Variants in DCBLD1 observed in about 807,000 individuals in gnomAD.
The protein encoded by DCBLD1 is discoidin, CUB and LCCL domain containing 1.
A neutral mutation model predicts 71.5 loss-of-function variants in DCBLD1; 57 were observed. The ratio of observed to expected loss-of-function variants is 0.80; its 90% confidence interval spans 0.64 to 0.99. DCBLD1 has a LOEUF of 0.99. Among genes scored for constraint, DCBLD1 ranks in the 50% least tolerant of loss-of-function variants. DCBLD1 has a pLI of 0.00. For synonymous variants in DCBLD1, 380 were observed against 363.8 expected, an observed-to-expected ratio of 1.04 and a Z score of -0.51; for missense variants, 891 against 923.5, an observed-to-expected ratio of 0.96 and a Z score of 0.46.
At chr6:117,552,784 A>G (rs1779448331), downstream of DCBLD1, among the ~76,000 whole-genome samples, 1 of 152,102 alleles carries the variant, frequency 6.6e-6, no homozygotes, top group African/African-American at 2.4e-5. Flanking sequence ...GAACCCCAGC[A>G]CTGTAAACCT....
intron 3 of DCBLD1, among the ~76,000 whole-genome samples, chr6:117,521,272 A>G (rs1778375460): frequency 6.6e-6 from 1 of 152,210 alleles, no homozygotes; most frequent in African/African-American, 2.4e-5. Context: ...TCTGTTAACT[A>G]CAGATTCTGC....
intron 14 of DCBLD1, among the ~76,000 whole-genome samples, chr6:117,557,634 C>T (rs895344666): frequency 2.6e-5 from 4 of 151,958 alleles, no homozygotes; most frequent in African/African-American, 7.2e-5. Flanking sequence ...CGTGGTGGCA[C>T]GCACCTGTAA....
Position 117,521,816 on chromosome 6 carries a change from A to G in DCBLD1, c.512+240A>G, listed in dbSNP as rs1340281033. On this transcript the variant is annotated intron_variant, in intron 4 of 14. Coordinates refer to ENST00000338728, the MANE Select transcript of DCBLD1 (RefSeq NM_001366458.2). ...TACAATCTCTGTTGCATTTATTCATATAATCTCTGTTGCTGTTGTAGCAAA... is the reference window on the plus strand; with the variant it reads ...TACAATCTCTGTTGCATTTATTCATGTAATCTCTGTTGCTGTTGTAGCAAA... Among the ~76,000 whole-genome samples, 6 of 152,218 alleles carry G rather than the reference A, an allele frequency of 3.9e-5. No individual in the cohort carries two copies. The South Asian group carries it at 6.2e-4, about 16-fold the overall frequency.
intron 2 of DCBLD1, among the ~76,000 whole-genome samples, chr6:117,505,027 C>G (rs569665439): frequency 6.6e-6 from 1 of 152,120 alleles, no homozygotes. Flanking sequence ...AGCCCTGAGA[C>G]GATTCAGAAA....
intron 3 of DCBLD1, 39 bp downstream of exon 3, chr6:117,519,989 C>T (rs752163621): frequency 6.2e-7 from 1 of 1,606,472 alleles, no homozygotes; most frequent in Admixed American, 1.7e-5. Context: ...TAAATGTTAT[C>T]TGTCTAAGAA....
chr6:117,497,826 T>G (rs1452635882), intron 1 of DCBLD1, among the ~76,000 whole-genome samples: 1 of 152,226 alleles, frequency 6.6e-6, no homozygotes, highest in Non-Finnish European at 1.5e-5. Context: ...GTGAATTTGG[T>G]AGTTTTAATT....
intron 6 of DCBLD1, among the ~76,000 whole-genome samples, chr6:117,536,662 G>A (rs1332029421): frequency 2.6e-5 from 4 of 152,202 alleles, no homozygotes; most frequent in African/African-American, 9.6e-5. Context: ...AGACAGGGCA[G>A]AGACTGTCCC....
intron 14 of DCBLD1, 62 bp downstream of exon 14, chr6:117,545,659 G>A: frequency 6.4e-7 from 1 of 1,560,010 alleles, no homozygotes; most frequent in East Asian, 2.3e-5. Context: ...GGGGGAGGGA[G>A]ACAGGAGAGA....
chr6:117,539,404 A>C, intron 9 of DCBLD1, 25 bp downstream of exon 9: 2 of 1,584,970 alleles, frequency 1.3e-6, no homozygotes, highest in Non-Finnish European at 1.7e-6. Flanking sequence ...TAGAGGCAAG[A>C]GAACTGAGTA....
At chr6:117,521,349 T>C (rs1321334961) in intron 3 of DCBLD1, among the ~76,000 whole-genome samples, 176 bp from the exon 4 acceptor site, 1 of 152,238 alleles carries the variant, frequency 6.6e-6, no homozygotes, top group Non-Finnish European at 1.5e-5. Flanking sequence ...CGAAAGGAAC[T>C]CATTAAATAC....
At chr6:117,524,000 T>C (rs1160538279) in intron 4 of DCBLD1, among the ~76,000 whole-genome samples, 1 of 152,172 alleles carries the variant, frequency 6.6e-6, no homozygotes, top group Non-Finnish European at 1.5e-5. Flanking sequence ...CTTGTTGATA[T>C]GTTGACACTT....
intron 12 of DCBLD1, chr6:117,544,273 T>G: frequency 2.7e-6 from 1 of 375,850 alleles, no homozygotes; most frequent in African/African-American, 2.1e-5. Context: ...AATAAGGCAC[T>G]GATTTCTAAT....
At chr6:117,489,816 C>T (rs941266585) in intron 1 of DCBLD1, among the ~76,000 whole-genome samples, 5 of 152,118 alleles carry the variant, frequency 3.3e-5, no homozygotes, top group Non-Finnish European at 7.4e-5. Context: ...ACCCGGGAGG[C>T]GGAGCTTGCA....
intron 14 of DCBLD1, among the ~76,000 whole-genome samples, chr6:117,565,917 C>T (rs1583049051): frequency 6.6e-6 from 1 of 152,136 alleles, no homozygotes; most frequent in African/African-American, 2.4e-5. Flanking sequence ...CATCTTTGTT[C>T]AGTGTGCAGA....
intron 11 of DCBLD1, among the ~76,000 whole-genome samples, chr6:117,542,366 A>G (rs1779127648): frequency 6.6e-6 from 1 of 152,028 alleles, no homozygotes; most frequent in Non-Finnish European, 1.5e-5. Flanking sequence ...TTTTCATCTA[A>G]ATCCCTTTTC....
At position 117,540,664 on chromosome 6, in the gene DCBLD1, A is replaced by G. The variant is rs770157636; in HGVS notation, c.1102-4A>G. The G allele has an allele frequency of 3.7e-6, 6 of 1,614,208 alleles. No individual in the cohort carries two copies. The South Asian group carries it at 4.4e-5, about 12-fold the overall frequency. ...CTTAAGGTAAACATAATTTCCTTCTATAGGTGTTTCAGGGTAACTCTAACT... is the reference window on the plus strand; with the variant it reads ...CTTAAGGTAAACATAATTTCCTTCTGTAGGTGTTTCAGGGTAACTCTAACT... On this transcript the variant is annotated splice_region_variant and splice_polypyrimidine_tract_variant and intron_variant, in intron 9 of 14. Transcript: ENST00000338728.
At chr6:117,542,977 TCCAA>T (rs1554191678) in intron 11 of DCBLD1, 143 bp from the exon 12 acceptor site, 2 of 669,212 alleles carry the variant, frequency 3.0e-6, no homozygotes, top group South Asian at 2.2e-5. Context: ...CTTTTTGCTT[TCCAA>T]TATCAGTAAA....
intron 6 of DCBLD1, among the ~76,000 whole-genome samples, chr6:117,534,050 T>C (rs60531544): frequency 0.039 from 5,868 of 152,336 alleles, 241 homozygotes; most frequent in African/African-American, 0.094. Flanking sequence ...ATTTGTGTTC[T>C]CTGCCTACCA....
At chr6:117,542,498 T>C (rs1779130722) in intron 11 of DCBLD1, among the ~76,000 whole-genome samples, 1 of 152,180 alleles carries the variant, frequency 6.6e-6, no homozygotes, top group Admixed American at 6.5e-5. Context: ...TTCTACAAAC[T>C]TGGGGCCTGC....
Sources: gnomAD v4.1 joint callset for allele counts (sites outside exome capture counted in the v4.1 genomes callset) on GRCh38, gnomAD v4.1.1 for gene constraint, MANE v1.5 for transcripts, NCBI Gene and HGNC (gene_info 2026-07-23, HGNC 2026-07-21) for gene names.